The following EYA1 variants were observed in gnomAD, a reference collection of about 807,000 sequenced individuals.
The protein encoded by EYA1 is protein phosphatase EYA1.
EYA1 carries 16 observed loss-of-function variants against 82.0 expected under a neutral mutation model. The ratio of observed to expected loss-of-function variants is 0.20; its 90% confidence interval spans 0.13 to 0.30. EYA1 has a LOEUF of 0.30. Ranked by LOEUF, EYA1 falls within the 10% of genes least tolerant of loss-of-function variation. The pLI is 1.00. For synonymous variants in EYA1, 261 were observed against 264.4 expected, an observed-to-expected ratio of 0.99 and a Z score of 0.12; for missense variants, 633 against 730.7, an observed-to-expected ratio of 0.87 and a Z score of 1.54.
At chr8:71,345,648 T>A (rs58313444) in intron 3 of EYA1, among the ~76,000 whole-genome samples, 2,445 of 152,278 alleles carry the variant, frequency 0.016, 64 homozygotes, top group African/African-American at 0.055. Context: ...ATATTACTCA[T>A]TTTCCACATC....
At chr8:71,532,209 C>T (rs1372503456) in intron 2 of EYA1, among the ~76,000 whole-genome samples, 1 of 152,180 alleles carries the variant, frequency 6.6e-6, no homozygotes, top group Non-Finnish European at 1.5e-5. Context: ...ATGAAGAATG[C>T]ACACACCCTT....
chr8:71,530,489 G>C (rs559006152), intron 2 of EYA1, among the ~76,000 whole-genome samples: 13 of 152,182 alleles, frequency 8.5e-5, no homozygotes, highest in Admixed American at 2.6e-4. Context: ...AAATGAAATT[G>C]TAAATCTCTG....
chr8:71,545,708 C>A (rs1432814948), intron 1 of EYA1, among the ~76,000 whole-genome samples: 1 of 151,820 alleles, frequency 6.6e-6, no homozygotes, highest in East Asian at 1.9e-4. Context: ...ATTATAGGCG[C>A]CCACCACCAC....
intron 17 of EYA1, among the ~76,000 whole-genome samples, chr8:71,203,644 T>C (rs1203882982): frequency 6.6e-6 from 1 of 152,162 alleles, no homozygotes; most frequent in African/African-American, 2.4e-5. Flanking sequence ...TTGGAATATC[T>C]AACTAAGGAG....
At chr8:71,246,915 C>T (rs539058464) in intron 11 of EYA1, among the ~76,000 whole-genome samples, 14 of 151,820 alleles carry the variant, frequency 9.2e-5, no homozygotes, top group Non-Finnish European at 1.6e-4. Flanking sequence ...CTGCCCACAC[C>T]CCTCCAGCAC....
At chr8:71,318,967 G>T (rs912332235) in intron 6 of EYA1, among the ~76,000 whole-genome samples, 1 of 152,064 alleles carries the variant, frequency 6.6e-6, no homozygotes, top group African/African-American at 2.4e-5. Context: ...ACATAGAAAT[G>T]GTCCCTGGAA....
chr8:71,233,559 G>T (rs1244073066), intron 12 of EYA1, among the ~76,000 whole-genome samples: 5 of 130,350 alleles, frequency 3.8e-5, no homozygotes, highest in Non-Finnish European at 7.9e-5. Context: ...GTGAGACTCC[G>T]TCTCAAAAAA....
At chr8:71,416,410 T>G (rs1164720084) in intron 2 of EYA1, among the ~76,000 whole-genome samples, 1 of 152,206 alleles carries the variant, frequency 6.6e-6, no homozygotes, top group Non-Finnish European at 1.5e-5. Context: ...GAATTCTATC[T>G]CCTGCTGGGA....
intron 7 of EYA1, among the ~76,000 whole-genome samples, chr8:71,316,498 A>T (rs1821942301): frequency 6.6e-6 from 1 of 152,188 alleles, no homozygotes. Flanking sequence ...GTTACTAAAA[A>T]CAGCAGGCTG....
chr8:71,476,477 A>C (rs969760226), intron 2 of EYA1, among the ~76,000 whole-genome samples: 2 of 152,286 alleles, frequency 1.3e-5, no homozygotes, highest in South Asian at 2.1e-4. Flanking sequence ...TTAAAAAATT[A>C]CTGATAAGGA....
At chr8:71,207,748 T>C (rs889208582) in intron 17 of EYA1, among the ~76,000 whole-genome samples, 1 of 152,064 alleles carries the variant, frequency 6.6e-6, no homozygotes, top group Non-Finnish European at 1.5e-5. Context: ...GATTGGTTGT[T>C]GAGAAAACAC....
rs531059550 is a variant in EYA1 at position 71,310,040 on chromosome 8, T to C, written c.556+7512A>G. Among the ~76,000 whole-genome samples the C allele has an allele frequency of 2.6e-5, 4 of 152,270 alleles. No individual in the cohort carries two copies. The South Asian group carries it at 6.2e-4, about 24-fold the overall frequency. ...ACATCTGTGCAGCCCCTTCGATCTATCATGGCAGATCCTGACACCTTCCCT... is the reference window on the plus strand; with the variant it reads ...ACATCTGTGCAGCCCCTTCGATCTACCATGGCAGATCCTGACACCTTCCCT... On this transcript the variant is annotated intron_variant, in intron 7 of 17. Transcript: ENST00000340726.
intron 2 of EYA1, among the ~76,000 whole-genome samples, chr8:71,471,344 G>T (rs1227214297): frequency 2.6e-5 from 4 of 151,946 alleles, no homozygotes; most frequent in Non-Finnish European, 5.9e-5. Flanking sequence ...TCTATACAAA[G>T]AAAACTGCAA....
At chr8:71,303,100 T>A (rs1250949014) in intron 7 of EYA1, among the ~76,000 whole-genome samples, 1 of 142,290 alleles carries the variant, frequency 7.0e-6, no homozygotes, top group Non-Finnish European at 1.6e-5. Flanking sequence ...TTACAGCTCC[T>A]ACTTCCTCCT....
chr8:71,391,324 G>A (rs78328705), intron 2 of EYA1, among the ~76,000 whole-genome samples: 2,157 of 152,154 alleles, frequency 0.014, 49 homozygotes, highest in African/African-American at 0.049. Flanking sequence ...TTTCACTGTT[G>A]AGAACTCCCA....
intron 12 of EYA1, among the ~76,000 whole-genome samples, chr8:71,218,009 C>T (rs1177972654): frequency 1.3e-5 from 2 of 152,176 alleles, no homozygotes; most frequent in Admixed American, 6.5e-5. Flanking sequence ...CAGACAAGGA[C>T]TCTAGTCCAG....
chr8:71,348,847 G>T (rs1826017776), intron 3 of EYA1, among the ~76,000 whole-genome samples: 1 of 152,128 alleles, frequency 6.6e-6, no homozygotes, highest in Non-Finnish European at 1.5e-5. Context: ...AGTGTTGCTT[G>T]GCTGGTATAA....
At chr8:71,205,378 T>C (rs1214462710) in intron 17 of EYA1, among the ~76,000 whole-genome samples, 1 of 152,084 alleles carries the variant, frequency 6.6e-6, no homozygotes, top group Admixed American at 6.5e-5. Flanking sequence ...AATCATTTTC[T>C]CTCAAGCCAT....
At chr8:71,477,026 C>G (rs1586794290) in intron 2 of EYA1, among the ~76,000 whole-genome samples, 1 of 151,818 alleles carries the variant, frequency 6.6e-6, no homozygotes, top group Admixed American at 6.6e-5. Context: ...TATCCTCATG[C>G]AAAAGAATAA....
Sources: gnomAD v4.1 joint callset for allele counts (sites outside exome capture counted in the v4.1 genomes callset) on GRCh38, gnomAD v4.1.1 for gene constraint, MANE v1.5 for transcripts, NCBI Gene and HGNC (gene_info 2026-07-23, HGNC 2026-07-21) for gene names.